TBX15: variants seen among roughly 807,000 people sequenced by gnomAD.
The protein encoded by TBX15 is T-box transcription factor 15.
A neutral mutation model predicts 53.9 loss-of-function variants in TBX15; 18 were observed. The observed-to-expected ratio is 0.33, with a 90% confidence interval of 0.23 to 0.49. The LOEUF is 0.49. Among genes scored for constraint, TBX15 ranks in the 20% least tolerant of loss-of-function variants. The pLI is 0.98. For missense variants in TBX15, 692 were observed against 749.5 expected, an observed-to-expected ratio of 0.92 and a Z score of 0.90; for synonymous variants, 295 against 278.0, an observed-to-expected ratio of 1.06 and a Z score of -0.61.
At chr1:118,944,615 C>T (rs1251505764) in intron 1 of TBX15, among the ~76,000 whole-genome samples, 1 of 152,156 alleles carries the variant, frequency 6.6e-6, no homozygotes, top group Non-Finnish European at 1.5e-5. Context: ...GGCAGTGTCG[C>T]CGAGACAGCA....
At chr1:118,964,062 A>G (rs1326203255) in intron 1 of TBX15, among the ~76,000 whole-genome samples, 1 of 152,254 alleles carries the variant, frequency 6.6e-6, no homozygotes, top group African/African-American at 2.4e-5. Context: ...GGCCCCATGT[A>G]TCATGCTGTG....
At chr1:118,890,965 G>T in intron 7 of TBX15, 2 of 1,302,814 alleles carry the variant, frequency 1.5e-6, no homozygotes, top group South Asian at 2.5e-5. Context: ...CTTCTTTGAG[G>T]CTTTCAAACA....
intron 1 of TBX15, among the ~76,000 whole-genome samples, chr1:118,983,470 G>C (rs1296512236): frequency 6.6e-6 from 1 of 152,124 alleles, no homozygotes; most frequent in Non-Finnish European, 1.5e-5. Context: ...AGTAAGATCC[G>C]ATCAGTGCGC....
rs182411323 is a variant in TBX15, at chr1:118,922,148, T to C, written c.861+1288A>G. 1.6e-3 allele frequency among the ~76,000 whole-genome samples: 243 copies of C among 152,318 alleles called. 1 individual carries two copies. Among genetic ancestry groups the C allele is most frequent in the Non-Finnish European group, 2.3e-3 (154 of 68,028 alleles). On this transcript the variant is annotated intron_variant, in intron 5 of 7. Coordinates refer to ENST00000369429, the MANE Select transcript of TBX15 (RefSeq NM_001330677.2). ...GATTTATCCAGGGATTAGAGGCTTG[T>C]TAAACAGGCAAAAGCTGTCATCTTG...
intron 3 of TBX15, 63 bp downstream of exon 3, chr1:118,926,447 T>A: frequency 7.1e-7 from 1 of 1,416,914 alleles, no homozygotes; most frequent in Non-Finnish European, 9.9e-7. Context: ...CTCTAAGGAG[T>A]TTGAAGAATT....
rs1035258079 is a variant in TBX15, at chr1:118,890,173, C to T, written c.1025-4657G>A. Among the ~76,000 whole-genome samples, 4 of 152,226 alleles carry T rather than the reference C, an allele frequency of 2.6e-5. No individual in the cohort carries two copies. In the East Asian group the frequency reaches 7.7e-4, roughly 29 times the overall value. On this transcript the variant is annotated intron_variant, in intron 7 of 7. Transcript: ENST00000369429. Reference sequence around the variant, plus strand: ...CACTAGGCCAGGTAGCAGCTAAGGCCCTACCTGTGCCATATTCCCAAAGGC... The same window carrying T: ...CACTAGGCCAGGTAGCAGCTAAGGCTCTACCTGTGCCATATTCCCAAAGGC...
chr1:118,961,014 G>GT (rs1219494477), intron 1 of TBX15, among the ~76,000 whole-genome samples: 1 of 152,224 alleles, frequency 6.6e-6, no homozygotes, highest in Non-Finnish European at 1.5e-5. Flanking sequence ...AGCAAAAGAA[G>GT]TGAGTGGCAG....
At chr1:118,893,287 AAGG>A (rs1654222237) in intron 7 of TBX15, among the ~76,000 whole-genome samples, 1 of 130,072 alleles carries the variant, frequency 7.7e-6, no homozygotes, top group African/African-American at 3.2e-5. Flanking sequence ...GGAAGGAAGG[AAGG>A]AAGGAAGGAA....
At chr1:118,963,818 G>A (rs1656954385) in intron 1 of TBX15, among the ~76,000 whole-genome samples, 1 of 152,196 alleles carries the variant, frequency 6.6e-6, no homozygotes, top group Non-Finnish European at 1.5e-5. Flanking sequence ...TTAGCCAAGT[G>A]GACTTTTGTA....
intron 1 of TBX15, among the ~76,000 whole-genome samples, chr1:118,945,242 T>C (rs1656310784): frequency 6.6e-6 from 1 of 152,152 alleles, no homozygotes; most frequent in Admixed American, 6.5e-5. Context: ...AGTGGGACAG[T>C]GTATAAGAAT....
intron 7 of TBX15, among the ~76,000 whole-genome samples, chr1:118,887,974 A>G (rs905718917): frequency 6.6e-6 from 1 of 152,238 alleles, no homozygotes; most frequent in Non-Finnish European, 1.5e-5. Flanking sequence ...CCCCCAATGA[A>G]CCTTCAAGGA....
intron 1 of TBX15, among the ~76,000 whole-genome samples, chr1:118,985,568 G>A (rs971558780): frequency 1.3e-5 from 2 of 152,136 alleles, no homozygotes; most frequent in African/African-American, 4.8e-5. Flanking sequence ...GGATTCCCCC[G>A]GCCCACTAAA....
At chr1:118,957,874 T>C (rs1656746641) in intron 1 of TBX15, among the ~76,000 whole-genome samples, 1 of 152,210 alleles carries the variant, frequency 6.6e-6, no homozygotes, top group Non-Finnish European at 1.5e-5. Context: ...TCTATCATTG[T>C]TGGACATTTG....
chr1:118,950,380 A>AGCCTGG (rs1406993847), intron 1 of TBX15, among the ~76,000 whole-genome samples: 1 of 152,208 alleles, frequency 6.6e-6, no homozygotes, highest in Non-Finnish European at 1.5e-5. Flanking sequence ...GCTCATGCTG[A>AGCCTGG]GCCAAGACTC....
intron 1 of TBX15, among the ~76,000 whole-genome samples, chr1:118,986,415 A>G (rs6675763): frequency 0.068 from 10,309 of 152,308 alleles, 503 homozygotes; most frequent in East Asian, 0.2. Context: ...ACGGGCCACA[A>G]AAACACGGAG....
rs138171927 is a variant in TBX15, at chr1:118,887,641, C to T, written c.1025-2125G>A. Among the ~76,000 whole-genome samples the T allele has an allele frequency of 1.9e-3, 284 of 149,582 alleles. 6 individuals are homozygous for T. The Middle Eastern group carries it at 0.02, about 11-fold the overall frequency. On this transcript the variant is annotated intron_variant, in intron 7 of 7. Coordinates refer to ENST00000369429, the MANE Select transcript of TBX15 (RefSeq NM_001330677.2). ...AGTGAGCCAAGATAGTGCCATTGCACGCTGGCCTGGGCAACAAGAGCAAAA... is the reference window on the plus strand; with the variant it reads ...AGTGAGCCAAGATAGTGCCATTGCATGCTGGCCTGGGCAACAAGAGCAAAA...
chr1:118,953,920 A>G (rs1656599652), intron 1 of TBX15, among the ~76,000 whole-genome samples: 2 of 152,326 alleles, frequency 1.3e-5, no homozygotes, highest in East Asian at 3.9e-4. Flanking sequence ...TGAGCTACCT[A>G]TAGTGTCCTT....
At chr1:118,956,332 G>A (rs1656689129) in intron 1 of TBX15, among the ~76,000 whole-genome samples, 1 of 152,030 alleles carries the variant, frequency 6.6e-6, no homozygotes, top group African/African-American at 2.4e-5. Flanking sequence ...TACCAACTGG[G>A]TTAAATAACA....
At chr1:118,939,385 G>C (rs1656071674) in intron 1 of TBX15, among the ~76,000 whole-genome samples, 1 of 93,118 alleles carries the variant, frequency 1.1e-5, no homozygotes, top group African/African-American at 4.3e-5. Flanking sequence ...TCCAGCCAGG[G>C]CAACAGAATG....
Sources: gnomAD v4.1 joint callset for allele counts (sites outside exome capture counted in the v4.1 genomes callset) on GRCh38, gnomAD v4.1.1 for gene constraint, MANE v1.5 for transcripts, NCBI Gene and HGNC (gene_info 2026-07-23, HGNC 2026-07-21) for gene names.